Variants in ZRANB2 observed in about 807,000 individuals in gnomAD.
ZRANB2 encodes zinc finger Ran-binding domain-containing protein 2.
In ZRANB2, 19 loss-of-function variants were observed where a neutral mutation model predicts 53.4. The observed-to-expected ratio is 0.36, with a 90% CI of 0.25 to 0.52. ZRANB2 has a LOEUF of 0.52. Among genes scored for constraint, ZRANB2 ranks in the 20% least tolerant of loss-of-function variants. The pLI, the probability that ZRANB2 is intolerant of heterozygous loss-of-function variation, is 0.93. For synonymous variants in ZRANB2, 145 were observed against 134.8 expected (o/e 1.08, Z -0.52); for missense variants, 309 against 401.1 (o/e 0.77, Z 1.96).
intron 8 of ZRANB2, among the ~76,000 whole-genome samples, chr1:71,068,677 T>C (rs150057307): frequency 8.4e-4 from 128 of 152,318 alleles, no homozygotes; most frequent in African/African-American, 2.9e-3. Flanking sequence ...TCTGAAAATA[T>C]TGAAACAACT....
rs146951263 is a variant in ZRANB2 at position 71,064,866 on chromosome 1, C to G, written c.*208G>C. 4.5e-4 allele frequency: 195 copies of G among 430,260 alleles called. 1 individual carries two copies. Among genetic ancestry groups the G allele is most frequent in the African/African-American group, 3.6e-3 (174 of 48,976 alleles). 26.7% of individuals were successfully genotyped at this position (430,260 alleles called of 1,614,324 possible). A position where few individuals can be genotyped will look rare whatever the true frequency, so the allele number is the denominator to read the frequency against. On this transcript the variant is annotated 3_prime_UTR_variant, in exon 10 of 10. Coordinates refer to ENST00000370920, the MANE Select transcript of ZRANB2 (RefSeq NM_203350.3). The stretch of plus-strand genomic sequence containing the variant: ...GCAAATGGTTGTAAATAATGAATGA[C>G]AGAACATCTATTTTGGGACATTATG...
chr1:71,078,303 T>C (rs1028856470), intron 3 of ZRANB2, among the ~76,000 whole-genome samples, 154 bp downstream of exon 3: 1 of 152,214 alleles, frequency 6.6e-6, no homozygotes, highest in East Asian at 1.9e-4. Context: ...AACTTCTTTA[T>C]ACTATACTTA....
intron 1 of ZRANB2, among the ~76,000 whole-genome samples, 168 bp from the exon 2 acceptor site, chr1:71,078,876 T>C (rs538128592): frequency 1.1e-4 from 17 of 152,314 alleles, no homozygotes; most frequent in African/African-American, 3.6e-4. Context: ...GGAAAAATAC[T>C]TGATTGGAGC....
At chr1:71,074,370 T>G (rs959683159) in intron 4 of ZRANB2, among the ~76,000 whole-genome samples, 5 of 152,176 alleles carry the variant, frequency 3.3e-5, no homozygotes, top group Non-Finnish European at 5.9e-5. Flanking sequence ...ATTTTCAAAT[T>G]TGTCTCACAG....
At chr1:71,076,026 G>C (rs145005862) in intron 4 of ZRANB2, among the ~76,000 whole-genome samples, 14 of 152,242 alleles carry the variant, frequency 9.2e-5, no homozygotes, top group African/African-American at 2.9e-4. Context: ...CCTAAAGTTA[G>C]AGAGGCAAAG....
At chr1:71,070,737 T>C (rs944165720) in intron 7 of ZRANB2, 90 bp downstream of exon 7, 1 of 775,500 alleles carries the variant, frequency 1.3e-6, no homozygotes, top group East Asian at 2.7e-5. Context: ...AAAAGGAAAG[T>C]TTATTTCGTC....
chr1:71,078,356 C>T, intron 3 of ZRANB2, 101 bp downstream of exon 3: 1 of 953,254 alleles, frequency 1.0e-6, no homozygotes, highest in Non-Finnish European at 1.6e-6. Flanking sequence ...AAAAGGTTAC[C>T]CTGGCTTGTC....
intron 7 of ZRANB2, among the ~76,000 whole-genome samples, chr1:71,070,069 G>A (rs567884894): frequency 2.7e-4 from 41 of 151,900 alleles, no homozygotes; most frequent in Middle Eastern, 3.4e-3. Context: ...GCTTTGTAGT[G>A]CTCAATTAAC....
chr1:71,078,957 T>A (rs1201966143), intron 1 of ZRANB2, among the ~76,000 whole-genome samples: 1 of 152,192 alleles, frequency 6.6e-6, no homozygotes, highest in Non-Finnish European at 1.5e-5. Flanking sequence ...TTACTTAGGA[T>A]CTCTGCCTCA....
intron 6 of ZRANB2, 150 bp downstream of exon 6, chr1:71,071,971 T>C: frequency 8.8e-7 from 1 of 1,141,182 alleles, no homozygotes; most frequent in South Asian, 1.6e-5. Context: ...GTACAAATAG[T>C]ACTTGGCAGA....
At chr1:71,071,831 A>C (rs1289821347) in intron 6 of ZRANB2, among the ~76,000 whole-genome samples, 2 of 152,132 alleles carry the variant, frequency 1.3e-5, no homozygotes, top group East Asian at 3.8e-4. Flanking sequence ...AACTGTTATC[A>C]CATCATGTGT....
chr1:71,080,198 T>C (rs1042367223), intron 1 of ZRANB2, among the ~76,000 whole-genome samples: 3 of 151,858 alleles, frequency 2.0e-5, no homozygotes, highest in African/African-American at 7.3e-5. Context: ...GATACACCTA[T>C]TTGTGCACCC....
intron 4 of ZRANB2, among the ~76,000 whole-genome samples, chr1:71,076,363 T>G (rs1345243205): frequency 6.6e-6 from 1 of 152,142 alleles, no homozygotes; most frequent in Non-Finnish European, 1.5e-5. Flanking sequence ...TTTGAAAAAG[T>G]TTTTCAGATA....
At chr1:71,072,038 AGT>A in intron 6 of ZRANB2, 81 bp downstream of exon 6, 1 of 1,515,972 alleles carries the variant, frequency 6.6e-7, no homozygotes, top group Non-Finnish European at 8.8e-7. Flanking sequence ...ATTTTCACCA[AGT>A]GTCTGAGGCT....
At chr1:71,080,506 A>G (rs910209321) in intron 1 of ZRANB2, among the ~76,000 whole-genome samples, 1 of 152,186 alleles carries the variant, frequency 6.6e-6, no homozygotes, top group South Asian at 2.1e-4. Context: ...AAGGTGAACT[A>G]TAAGAGGCAA....
intron 6 of ZRANB2, among the ~76,000 whole-genome samples, chr1:71,071,798 CG>C (rs2101046530): frequency 6.6e-6 from 1 of 152,228 alleles, no homozygotes; most frequent in East Asian, 1.9e-4. Flanking sequence ...CATTATCCAT[CG>C]GCAAAACCAA....
rs866839800 is a variant in ZRANB2 at position 71,073,725 on chromosome 1, G to C, written c.302-1177C>G. 7.9e-5 allele frequency among the ~76,000 whole-genome samples: 12 copies of C among 152,070 alleles called. No homozygotes were observed. In the South Asian group the frequency reaches 1.9e-3, roughly 24 times the overall value. ...CAAATATGGAAAGCTCAAAAATATA[G>C]TAAAATTAGAAAGTGAACTATAACT... is the stretch of plus-strand genomic sequence containing the variant. On this transcript the variant is annotated intron_variant, in intron 4 of 9. Transcript: ENST00000370920.
chr1:71,067,289 C>T lies in ZRANB2; in HGVS notation c.771-355G>A, dbSNP rs1466262153. On this transcript the variant is annotated intron_variant, in intron 8 of 9. Coordinates refer to ENST00000370920, the MANE Select transcript of ZRANB2 (RefSeq NM_203350.3). ...AACAGGACTTTACGTTTAGGAACTA[C>T]ATCCTTCCATTTGAGGATTAAAATA... The T allele has an allele frequency of 2.2e-5, 4 of 181,248 alleles. No individual in the cohort carries two copies. In the East Asian group the frequency reaches 7.1e-4, roughly 32 times the overall value. The allele number at this position is 181,248 out of a possible 1,614,324, so 11.2% of individuals were successfully genotyped here.
In ZRANB2 at chr1:71,072,260, A is replaced by G. The variant is rs11209745; in HGVS notation, c.379-5T>C. On this transcript the variant is annotated splice_polypyrimidine_tract_variant and splice_region_variant and intron_variant, in intron 5 of 9. Transcript: ENST00000370920. ...TTTTTTCTTTTTACGTCCAAACTAGAGAAAAACAATTTCAAAATGCTTGTC... is the reference window on the plus strand; with the variant it reads ...TTTTTTCTTTTTACGTCCAAACTAGGGAAAAACAATTTCAAAATGCTTGTC... The G allele has an allele frequency of 0.29, 461,451 of 1,601,650 alleles. 73,752 individuals carry two copies. Among genetic ancestry groups the G allele is most frequent in the East Asian group, 0.71 (31,554 of 44,546 alleles).
Sources: allele counts gnomAD v4.1 joint callset (sites outside exome capture counted in the v4.1 genomes callset), GRCh38; gene constraint gnomAD v4.1.1; transcripts MANE v1.5; gene names NCBI Gene and HGNC (gene_info 2026-07-23, HGNC 2026-07-21).